The following UBAP2L variants were observed in gnomAD, a reference collection of about 807,000 sequenced individuals.
UBAP2L encodes ubiquitin associated protein 2 like, also known as ubiquitin-associated protein 2-like.
Under a neutral mutation model 130.6 loss-of-function variants are expected in UBAP2L, and 12 were observed. The observed-to-expected ratio is 0.09, with a 90% confidence interval of 0.06 to 0.15. UBAP2L has a LOEUF of 0.15. Among genes scored for constraint, UBAP2L ranks in the 10% least tolerant of loss-of-function variants. UBAP2L has a pLI of 1.00. For synonymous variants in UBAP2L, 503 were observed against 524.7 expected (o/e 0.96, Z 0.57); for missense variants, 965 against 1,332.5 (o/e 0.72, Z 4.29).
At position 154,268,739 on chromosome 1, in the gene UBAP2L, T is replaced by C. The variant is rs2149111514; in HGVS notation, c.2971-18T>C. ...TGCTGATCCCTTTTACTCTGTCTCCTCCTGGCCTCCTGGATAGCAGTCCTT... is the reference window on the plus strand; with the variant it reads ...TGCTGATCCCTTTTACTCTGTCTCCCCCTGGCCTCCTGGATAGCAGTCCTT... On this transcript the variant is annotated intron_variant, in intron 25 of 26. Coordinates refer to ENST00000428931, the MANE Select transcript of UBAP2L (RefSeq NM_014847.4). 1.9e-6 allele frequency: 3 copies of C among 1,613,596 alleles called. No homozygotes were observed. The highest frequency in any genetic ancestry group is 2.5e-6 in the Non-Finnish European group (3 of 1,179,706).
rs777246805 is a variant in UBAP2L, at chr1:154,234,714, G to C, written c.403G>C (p.Gly135Arg). Reference protein sequence around the residue: ...DRDRDYSRRRGGPPRRGRGAS... With the variant: ...DRDRDYSRRRRGPPRRGRGAS... Reference sequence around the variant, plus strand: ...GGACAGAGACTATAGTCGGCGACGTGGTGGGCCACCAAGACGGGGGAGAGG... The same window carrying C: ...GGACAGAGACTATAGTCGGCGACGTCGTGGGCCACCAAGACGGGGGAGAGG... Residue 135 changes from glycine (G) to arginine (R), a missense_variant, in exon 5 of 27, where the codon GGT becomes CGT. This residue lies in a region of UBAP2L where 109 missense variants were observed against 146.6 expected (regional missense o/e 0.74). Transcript: ENST00000428931. 6 of 1,611,556 alleles carry C rather than the reference G, an allele frequency of 3.7e-6. No homozygotes were observed. The highest frequency in any genetic ancestry group is 1.7e-5 in the Admixed American group (1 of 59,534).
chr1:154,259,943 T>G lies in UBAP2L; in HGVS notation c.2497-5T>G. The G allele has an allele frequency of 6.2e-7, 1 of 1,613,900 alleles. No individual in the cohort carries two copies. Among genetic ancestry groups the G allele is most frequent in the Non-Finnish European group, 8.5e-7 (1 of 1,179,794 alleles). Reference sequence around the variant, plus strand: ...ATCTCTGCTCTTTTTTCCCCTCTTTTCTAGGATTACTACAGCATCCCATTT... The same window carrying G: ...ATCTCTGCTCTTTTTTCCCCTCTTTGCTAGGATTACTACAGCATCCCATTT... On this transcript the variant is annotated splice_region_variant and splice_polypyrimidine_tract_variant and intron_variant, in intron 21 of 26. Transcript: ENST00000428931.
chr1:154,232,201 G>A (rs1034817504), intron 4 of UBAP2L, among the ~76,000 whole-genome samples: 5 of 152,014 alleles, frequency 3.3e-5, no homozygotes, highest in Non-Finnish European at 5.9e-5. Flanking sequence ...GTGGTGCCCT[G>A]TAGTCCCAGT....
rs1489353782 is a variant in UBAP2L at position 154,231,616 on chromosome 1, A to G, written c.279+2891A>G. The stretch of plus-strand genomic sequence containing the variant: ...ATCCCCGGCCCTGTTTTCTATTTCT[A>G]TGAATTTGCCTGTTTTAGAGATCTC... On this transcript the variant is annotated intron_variant, in intron 4 of 26. Transcript: ENST00000428931. Among the ~76,000 whole-genome samples the G allele has an allele frequency of 2.6e-5, 4 of 152,034 alleles. No individual in the cohort carries two copies. In the South Asian group the frequency reaches 6.2e-4, roughly 24 times the overall value.
Position 154,251,301 on chromosome 1 carries a change from G to A in UBAP2L, c.1474G>A (p.Ala492Thr), listed in dbSNP as rs751360386. ...GAAACTGAAACAGCAGAAGAAAAAA[G>A]CCTCCTTGACTTCTAAGGTACTTAA... ...QQKLKQQKKK[A>T]SLTSKIPALA... The change falls in exon 13 of 27, where the codon GCC (alanine) becomes ACC (threonine). Residue 492 changes from alanine to threonine, a missense_variant. By Grantham distance (58) the Ala-to-Thr change is moderately conservative. This residue lies in a region of UBAP2L where 393 missense variants were observed against 408.1 expected (regional missense o/e 0.96). Transcript: ENST00000428931. 6.2e-7 allele frequency: 1 copy of A among 1,613,284 alleles called. No homozygotes were observed. The highest frequency in any genetic ancestry group is 8.5e-7 in the Non-Finnish European group (1 of 1,179,738).
chr1:154,225,424 A>G (rs1667586393), intron 2 of UBAP2L, among the ~76,000 whole-genome samples: 3 of 151,510 alleles, frequency 2.0e-5, no homozygotes, highest in South Asian at 4.2e-4. Flanking sequence ...TTAATACTGT[A>G]TTATGAGGCT....
chr1:154,246,889 T>G (rs1308457849), intron 11 of UBAP2L, among the ~76,000 whole-genome samples: 1 of 152,188 alleles, frequency 6.6e-6, no homozygotes, highest in Non-Finnish European at 1.5e-5. Context: ...TGCTAGTCCT[T>G]CCCATCTTCC....
At position 154,257,200 on chromosome 1, in the gene UBAP2L, C is replaced by T. The variant is rs1306345855; in HGVS notation, c.2295C>T (p.Ser765=). 3.7e-6 allele frequency: 6 copies of T among 1,614,078 alleles called. No individual in the cohort carries two copies. Among genetic ancestry groups the T allele is most frequent in the Non-Finnish European group, 5.1e-6 (6 of 1,180,044 alleles). ...ATAGTGGCAGTAGCCTGGGCCTCAG[C>T]CTAGGCAGCAACTCCACTGTCACAG... is the stretch of plus-strand genomic sequence containing the variant. The part of the protein sequence containing the change: ...SLNSGSSLGL[S]LGSNSTVTAS... Residue 765 remains serine (S), a synonymous_variant, in exon 19 of 27, where the codon AGC becomes AGT. Transcript: ENST00000428931.
intron 26 of UBAP2L, chr1:154,269,441 A>G: frequency 7.7e-7 from 1 of 1,304,884 alleles, no homozygotes; most frequent in South Asian, 1.2e-5. Flanking sequence ...CATATGCTTG[A>G]ACCCACTCCT....
chr1:154,269,500 G>A (rs1277864641), intron 26 of UBAP2L: 2 of 1,139,692 alleles, frequency 1.8e-6, no homozygotes, highest in Non-Finnish European at 2.4e-6. Flanking sequence ...TGAAAAGACT[G>A]CGCGGTCACA....
At chr1:154,255,819 T>C in intron 18 of UBAP2L, 64 bp downstream of exon 18, 1 of 1,568,022 alleles carries the variant, frequency 6.4e-7, no homozygotes, top group Non-Finnish European at 8.8e-7. Context: ...ACTGTAAGAT[T>C]GTCCCAAGAG....
intron 3 of UBAP2L, among the ~76,000 whole-genome samples, chr1:154,228,351 C>G (rs1668670984): frequency 6.6e-6 from 1 of 152,098 alleles, no homozygotes; most frequent in African/African-American, 2.4e-5. Context: ...CCACACCCAG[C>G]TAATTTTTGT....
At chr1:154,269,476 A>T (rs1338487969) in intron 26 of UBAP2L, 1 of 1,258,848 alleles carries the variant, frequency 7.9e-7, no homozygotes, top group Non-Finnish European at 1.0e-6. Context: ...TCACCTTCAC[A>T]GCCTCAGGGA....
chr1:154,238,304 T>C (rs1365705916), intron 8 of UBAP2L, among the ~76,000 whole-genome samples: 2 of 152,248 alleles, frequency 1.3e-5, no homozygotes, highest in Non-Finnish European at 2.9e-5. Flanking sequence ...TGTCCTGTTA[T>C]AGTTTAACTT....
chr1:154,250,456 C>T (rs1677180722), intron 12 of UBAP2L, among the ~76,000 whole-genome samples: 1 of 152,038 alleles, frequency 6.6e-6, no homozygotes, highest in Non-Finnish European at 1.5e-5. Flanking sequence ...TTTCCAAGCA[C>T]CTATGGATGT....
At chr1:154,234,876 T>G (rs1474669092) in intron 5 of UBAP2L, 117 bp downstream of exon 5, 29 of 1,423,798 alleles carry the variant, frequency 2.0e-5, no homozygotes, top group Non-Finnish European at 2.7e-5. Context: ...TTTGCTTTTC[T>G]TGCCGTCGTC....
At chr1:154,269,098 C>A in intron 26 of UBAP2L, 144 bp downstream of exon 26, 5 of 1,048,068 alleles carry the variant, frequency 4.8e-6, no homozygotes, top group Non-Finnish European at 5.5e-6. Context: ...ACAGCACATA[C>A]AGACACAAGC....
intron 10 of UBAP2L, 71 bp from the exon 11 acceptor site, chr1:154,246,133 C>G: frequency 2.0e-6 from 3 of 1,512,896 alleles, no homozygotes; most frequent in Non-Finnish European, 2.7e-6. Context: ...TTGATCTAAT[C>G]TGATTTGAGT....
At chr1:154,255,369 A>C (rs750100610) in intron 17 of UBAP2L, 43 bp downstream of exon 17, 18 of 1,603,664 alleles carry the variant, frequency 1.1e-5, no homozygotes, top group Non-Finnish European at 1.2e-5. Flanking sequence ...GTGAATAGCA[A>C]TAACAGAGCT....
Sources: gnomAD v4.1 joint callset for allele counts (sites outside exome capture counted in the v4.1 genomes callset) on GRCh38, gnomAD v4.1.1 for gene constraint, gnomAD v4.1.1 regional missense constraint, MANE v1.5 for transcripts, NCBI Gene and HGNC (gene_info 2026-07-23, HGNC 2026-07-21) for gene names.